RAPGEF6: variants seen among roughly 807,000 people sequenced by gnomAD.
RAPGEF6 encodes PDZ domain containing guanine nucleotide exchange factor (GEF) 2.
In RAPGEF6, 56 loss-of-function variants were observed where a neutral mutation model predicts 171.4. That is an observed-to-expected ratio of 0.33 (90% CI 0.26 to 0.41). The LOEUF is 0.41. Ranked by LOEUF, RAPGEF6 falls within the 10% of genes least tolerant of loss-of-function variation. The pLI is 1.00. For missense variants in RAPGEF6, 1,674 were observed against 1,921.4 expected (o/e 0.87, Z 2.41); for synonymous variants, 692 against 650.1 (o/e 1.06, Z -0.98).
At chr5:131,470,013 C>T (rs1331038436) in intron 17 of RAPGEF6, among the ~76,000 whole-genome samples, 1 of 152,028 alleles carries the variant, frequency 6.6e-6, no homozygotes. Context: ...ATGTGATGTA[C>T]ATGGCTCATT....
At chr5:131,562,099 T>A (rs1283152868) in intron 4 of RAPGEF6, 52 bp from the exon 5 acceptor site, 2 of 1,202,384 alleles carry the variant, frequency 1.7e-6, no homozygotes, top group African/African-American at 3.2e-5. Context: ...ATAAAATATA[T>A]CAATATAGGA....
intron 1 of RAPGEF6, among the ~76,000 whole-genome samples, chr5:131,633,069 C>T (rs913664674): frequency 6.6e-6 from 1 of 152,222 alleles, no homozygotes. Context: ...GCGCGGGGCT[C>T]ACACCTATAA....
At chr5:131,535,815 T>C (rs1219517425) in intron 6 of RAPGEF6, among the ~76,000 whole-genome samples, 1 of 152,164 alleles carries the variant, frequency 6.6e-6, no homozygotes, top group Non-Finnish European at 1.5e-5. Context: ...TTCTGATAGT[T>C]ACTAAACTAA....
intron 3 of RAPGEF6, among the ~76,000 whole-genome samples, chr5:131,592,677 T>C (rs1329551460): frequency 6.6e-6 from 1 of 152,196 alleles, no homozygotes; most frequent in Non-Finnish European, 1.5e-5. Flanking sequence ...TTAAGATACA[T>C]ACTATAAAAC....
At chr5:131,561,323 A>C (rs535983428) in intron 5 of RAPGEF6, among the ~76,000 whole-genome samples, 2 of 152,296 alleles carry the variant, frequency 1.3e-5, no homozygotes, top group Non-Finnish European at 2.9e-5. Flanking sequence ...AGACTATAGA[A>C]TTCAAAGTTT....
intron 5 of RAPGEF6, among the ~76,000 whole-genome samples, chr5:131,550,871 A>T (rs1760878840): frequency 1.3e-5 from 2 of 152,190 alleles, no homozygotes; most frequent in Non-Finnish European, 2.9e-5. Context: ...CTTATGACCT[A>T]GTTCAACCAA....
intron 23 of RAPGEF6, among the ~76,000 whole-genome samples, chr5:131,440,852 C>T (rs1349530675): frequency 2.0e-5 from 3 of 151,890 alleles, no homozygotes; most frequent in Non-Finnish European, 4.4e-5. Flanking sequence ...GTCCCTCTCT[C>T]ACTCCTACCA....
intron 3 of RAPGEF6, among the ~76,000 whole-genome samples, chr5:131,594,115 G>C (rs936177015): frequency 1.3e-5 from 2 of 152,228 alleles, no homozygotes; most frequent in African/African-American, 4.8e-5. Context: ...TTCATGGGCT[G>C]GGCCCAGGAC....
chr5:131,455,275 T>C (rs1018551231), intron 20 of RAPGEF6, among the ~76,000 whole-genome samples: 4 of 152,230 alleles, frequency 2.6e-5, no homozygotes, highest in East Asian at 1.9e-4. Flanking sequence ...TTTTTTATTT[T>C]TGAGACAGAG....
At chr5:131,480,999 T>C (rs1417862578) in intron 15 of RAPGEF6, among the ~76,000 whole-genome samples, 1 of 151,710 alleles carries the variant, frequency 6.6e-6, no homozygotes, top group African/African-American at 2.4e-5. Context: ...TGGCGCAATC[T>C]TGGCTCACCA....
chr5:131,559,576 C>A (rs903273691), intron 5 of RAPGEF6, among the ~76,000 whole-genome samples: 2 of 152,084 alleles, frequency 1.3e-5, no homozygotes, highest in African/African-American at 4.8e-5. Context: ...GTAAGTCCAA[C>A]ACTTGGGAGG....
At chr5:131,516,282 C>T (rs1024666302) in intron 7 of RAPGEF6, among the ~76,000 whole-genome samples, 2 of 151,824 alleles carry the variant, frequency 1.3e-5, no homozygotes, top group Admixed American at 6.6e-5. Context: ...TGGGGTTTTG[C>T]TATGTTAGCC....
chr5:131,429,243 T>A, intron 26 of RAPGEF6, 27 bp from the exon 27 acceptor site: 1 of 1,475,520 alleles, frequency 6.8e-7, no homozygotes, highest in Non-Finnish European at 9.1e-7. Context: ...GCAATGAAAA[T>A]GTTAATGAAA....
In RAPGEF6 at chr5:131,519,191, G is replaced by C. The variant is rs572036331; in HGVS notation, c.627+2199C>G. Among the ~76,000 whole-genome samples the C allele has an allele frequency of 1.2e-3, 190 of 152,288 alleles. 1 individual carries two copies. The highest frequency in any genetic ancestry group is 4.5e-3 in the African/African-American group (188 of 41,562). On this transcript the variant is annotated intron_variant, in intron 7 of 27. Transcript: ENST00000509018. Reference sequence around the variant, plus strand: ...TCCTCAGGTTGTCCAGCTAAAAGGGGAGTAATCTGCAGGTGCTAATATAAG... The same window carrying C: ...TCCTCAGGTTGTCCAGCTAAAAGGGCAGTAATCTGCAGGTGCTAATATAAG...
intron 3 of RAPGEF6, among the ~76,000 whole-genome samples, chr5:131,602,728 T>A (rs1014047492): frequency 1.7e-4 from 26 of 152,050 alleles, no homozygotes; most frequent in African/African-American, 6.3e-4. Context: ...GCCATTGCAC[T>A]CCAGCCTGGG....
At chr5:131,550,281 C>T (rs528854497) in intron 5 of RAPGEF6, among the ~76,000 whole-genome samples, 1 of 152,288 alleles carries the variant, frequency 6.6e-6, no homozygotes, top group East Asian at 1.9e-4. Context: ...GTTTCCTGTT[C>T]AAAATGCCAC....
chr5:131,525,581 T>C (rs1758819810), intron 6 of RAPGEF6, among the ~76,000 whole-genome samples: 1 of 152,104 alleles, frequency 6.6e-6, no homozygotes, highest in Non-Finnish European at 1.5e-5. Context: ...AAAGTCATAA[T>C]TGCTTACAAT....
chr5:131,505,386 C>T lies in RAPGEF6; in HGVS notation c.1079G>A (p.Arg360Lys), dbSNP rs1251190631. The change falls in exon 10 of 28, where the codon AGG becomes AAG. Residue 360 changes from arginine to lysine, a missense_variant. Arg to Lys is a conservative substitution (Grantham distance 26, BLOSUM62 2). Coordinates refer to ENST00000509018, the MANE Select transcript of RAPGEF6 (RefSeq NM_016340.6). The stretch of plus-strand genomic sequence containing the variant: ...TACCTGACAATCATCTACTTTAGTC[C>T]TGACAATTCCATGCATGTACTGCTT... ...LDKQYMHGIV[R>K]TKVDDCQFVC... is the part of the protein sequence containing the mutation. 1 of 1,613,558 alleles carries T rather than the reference C, an allele frequency of 6.2e-7. No individual in the cohort carries two copies. The highest frequency in any genetic ancestry group is 1.7e-5 in the Admixed American group (1 of 59,998).
intron 1 of RAPGEF6, among the ~76,000 whole-genome samples, chr5:131,628,656 A>G (rs1374359420): frequency 6.6e-6 from 1 of 152,224 alleles, no homozygotes; most frequent in Non-Finnish European, 1.5e-5. Flanking sequence ...GAGAGGAGAA[A>G]TCAATGCCTG....
Sources: gnomAD v4.1 joint callset for allele counts (sites outside exome capture counted in the v4.1 genomes callset) on GRCh38, gnomAD v4.1.1 for gene constraint, MANE v1.5 for transcripts, NCBI Gene and HGNC (gene_info 2026-07-23, HGNC 2026-07-21) for gene names.